PTPRJ: variants seen among roughly 807,000 people sequenced by gnomAD.
The protein encoded by PTPRJ is protein tyrosine phosphatase receptor type J, also known as receptor-type tyrosine-protein phosphatase eta.
A neutral mutation model predicts 141.3 loss-of-function variants in PTPRJ; 129 were observed. The observed-to-expected ratio is 0.91, with a 90% CI of 0.79 to 1.06. PTPRJ has a LOEUF of 1.06. Among genes scored for constraint, PTPRJ ranks in the 50% least tolerant of loss-of-function variants. The pLI, the probability that PTPRJ is intolerant of heterozygous loss-of-function variation, is 0.00. For synonymous variants in PTPRJ, 610 were observed against 640.5 expected (o/e 0.95, Z 0.72); for missense variants, 1,601 against 1,679.7 (o/e 0.95, Z 0.82).
intron 12 of PTPRJ, 94 bp from the exon 13 acceptor site, chr11:48,144,581 C>G (rs1857308656): frequency 9.9e-7 from 1 of 1,008,758 alleles, no homozygotes; most frequent in Non-Finnish European, 1.5e-6. Flanking sequence ...TTGCTGATCA[C>G]TATCACCCAA....
At chr11:48,123,578 T>A in intron 4 of PTPRJ, 35 bp from the exon 5 acceptor site, 1 of 1,598,800 alleles carries the variant, frequency 6.3e-7, no homozygotes, top group Non-Finnish European at 8.5e-7. Context: ...TGCATATATC[T>A]TGTTCCATTA....
intron 10 of PTPRJ, among the ~76,000 whole-genome samples, chr11:48,138,022 T>C (rs1320322478): frequency 6.6e-6 from 1 of 152,198 alleles, no homozygotes; most frequent in African/African-American, 2.4e-5. Flanking sequence ...GTGCTGACTG[T>C]GGCACCTTTA....
chr11:48,062,270 T>G (rs1854957183), intron 1 of PTPRJ, among the ~76,000 whole-genome samples: 1 of 151,230 alleles, frequency 6.6e-6, no homozygotes, highest in South Asian at 2.1e-4. Context: ...TCCCAGCACT[T>G]TGGGAGGCCG....
intron 1 of PTPRJ, among the ~76,000 whole-genome samples, chr11:48,006,311 G>A (rs1565253799): frequency 6.6e-6 from 1 of 152,014 alleles, no homozygotes; most frequent in African/African-American, 2.4e-5. Flanking sequence ...AGAGGGAGAG[G>A]ATGGAGGCGA....
At chr11:48,083,333 G>A (rs900107006) in intron 1 of PTPRJ, among the ~76,000 whole-genome samples, 4 of 152,220 alleles carry the variant, frequency 2.6e-5, no homozygotes, top group African/African-American at 9.6e-5. Flanking sequence ...GGAGGCTGAG[G>A]CTGGAGAATC....
chr11:48,035,538 C>CTTTTTTTTTTTTTT (rs66504227), intron 1 of PTPRJ, among the ~76,000 whole-genome samples: 17 of 61,750 alleles, frequency 2.8e-4, no homozygotes, highest in Middle Eastern at 0.019. Context: ...CTTTCTTCTT[C>CTTTTTTTTTTTTTT]TTTTTTTTTT....
At position 48,145,953 on chromosome 11, in the gene PTPRJ, A is replaced by G. The variant is rs1313464485; in HGVS notation, c.2911+829A>G. Among the ~76,000 whole-genome samples, 3 of 152,148 alleles carry G rather than the reference A, an allele frequency of 2.0e-5. No homozygotes were observed. In the South Asian group the frequency reaches 6.2e-4, roughly 32 times the overall value. On this transcript the variant is annotated intron_variant, in intron 14 of 24. Transcript: ENST00000418331. ...CTGTAACTTTGAATTCCTGGGCTCA[A>G]GGGATCCTCCTGCCTCAGCCTCCCA... is the stretch of plus-strand genomic sequence containing the variant.
At chr11:48,029,327 A>T (rs752452633) in intron 1 of PTPRJ, among the ~76,000 whole-genome samples, 5 of 152,238 alleles carry the variant, frequency 3.3e-5, no homozygotes, top group Non-Finnish European at 5.9e-5. Context: ...TGCTAGAGGG[A>T]AAAAATGAAA....
chr11:48,009,197 A>AT (rs2134199522), intron 1 of PTPRJ, among the ~76,000 whole-genome samples: 1 of 152,356 alleles, frequency 6.6e-6, no homozygotes, highest in Admixed American at 6.5e-5. Flanking sequence ...GTGGACTACT[A>AT]TGCAGTCATT....
intron 14 of PTPRJ, among the ~76,000 whole-genome samples, chr11:48,145,566 T>A (rs542559723): frequency 1.4e-5 from 2 of 147,900 alleles, no homozygotes; most frequent in African/African-American, 4.9e-5. Context: ...ATGTTTTTTT[T>A]TTTTTTTTTT....
At chr11:48,134,415 T>C (rs1857042083) in intron 8 of PTPRJ, among the ~76,000 whole-genome samples, 1 of 152,172 alleles carries the variant, frequency 6.6e-6, no homozygotes, top group African/African-American at 2.4e-5. Context: ...TTTTTATGTT[T>C]ATAGACAAAG....
Position 48,167,351 on chromosome 11 carries a change from T to C in PTPRJ, c.4003T>C (p.Tyr1335His), listed in dbSNP as rs775176562. 6.2e-7 allele frequency: 1 copy of C among 1,614,078 alleles called. No individual in the cohort carries two copies. The highest frequency in any genetic ancestry group is 1.7e-5 in the Admixed American group (1 of 60,014). Residue 1335 changes from tyrosine (Y) to histidine (H), a missense_variant, in exon 25 of 25, where the codon TAC (tyrosine) becomes CAC (histidine). Tyr to His is a moderately conservative substitution (Grantham distance 83). Transcript: ENST00000418331. ...PVTTFGKTNG[Y>H]IA ...GACCACATTTGGAAAGACCAATGGTTACATCGCCTAATTCCAAAGGAATAA... is the reference window on the plus strand; with the variant it reads ...GACCACATTTGGAAAGACCAATGGTCACATCGCCTAATTCCAAAGGAATAA...
intron 1 of PTPRJ, among the ~76,000 whole-genome samples, chr11:48,013,469 T>A (rs1331694169): frequency 6.6e-6 from 1 of 152,216 alleles, no homozygotes. Flanking sequence ...AGATGAGGCC[T>A]GGCCTCCCGG....
intron 12 of PTPRJ, 84 bp from the exon 13 acceptor site, chr11:48,144,591 A>G (rs2134369102): frequency 9.0e-7 from 1 of 1,108,364 alleles, no homozygotes. Flanking sequence ...CTATCACCCA[A>G]CATCACCACC....
chr11:48,053,561 T>TTA (rs1394014758), intron 1 of PTPRJ, among the ~76,000 whole-genome samples: 5 of 134,368 alleles, frequency 3.7e-5, no homozygotes, highest in Non-Finnish European at 6.1e-5. Flanking sequence ...TATATATAAT[T>TTA]TATATATATA....
At position 48,074,552 on chromosome 11, in the gene PTPRJ, A is replaced by C. The variant is rs146671436; in HGVS notation, c.97-35506A>C. On this transcript the variant is annotated intron_variant, in intron 1 of 24. Transcript: ENST00000418331. ...TCTGTGAACTTGGGCAAGGTGTGTAATCTTTCTGAGCCTTAATCTAATTAG... is the reference window on the plus strand; with the variant it reads ...TCTGTGAACTTGGGCAAGGTGTGTACTCTTTCTGAGCCTTAATCTAATTAG... 3.9e-3 allele frequency among the ~76,000 whole-genome samples: 601 copies of C among 152,302 alleles called. 2 individuals are homozygous for C. The highest frequency in any genetic ancestry group is 0.014 in the African/African-American group (579 of 41,556).
At chr11:48,108,802 G>A (rs1369853645) in intron 1 of PTPRJ, among the ~76,000 whole-genome samples, 2 of 152,212 alleles carry the variant, frequency 1.3e-5, no homozygotes, top group African/African-American at 2.4e-5. Flanking sequence ...TGATGGTAGG[G>A]TGGAAGGTGG....
At chr11:48,046,885 T>A (rs1024760101) in intron 1 of PTPRJ, among the ~76,000 whole-genome samples, 1 of 133,206 alleles carries the variant, frequency 7.5e-6, no homozygotes, top group Non-Finnish European at 1.5e-5. Context: ...GAATAATATG[T>A]TTACATATAT....
chr11:48,127,406 C>T (rs544958245), intron 6 of PTPRJ, among the ~76,000 whole-genome samples: 4 of 152,296 alleles, frequency 2.6e-5, no homozygotes, highest in East Asian at 1.9e-4. Context: ...TCTGTGATCT[C>T]GGGCGATCAC....
Sources: allele counts gnomAD v4.1 joint callset (sites outside exome capture counted in the v4.1 genomes callset), GRCh38; gene constraint gnomAD v4.1.1; transcripts MANE v1.5; gene names NCBI Gene and HGNC (gene_info 2026-07-23, HGNC 2026-07-21).